ATP5MC2: variants seen among roughly 807,000 people sequenced by gnomAD.
ATP5MC2 encodes ATP synthase membrane subunit c locus 2, also known as ATP synthase F(0) complex subunit C2, mitochondrial.
In ATP5MC2, 11 loss-of-function variants were observed where a neutral mutation model predicts 13.5. The observed-to-expected ratio is 0.81, with a 90% CI of 0.51 to 1.35. ATP5MC2 has a LOEUF of 1.35. ATP5MC2 is among the 40% of genes most tolerant of loss of function. The pLI, the probability that ATP5MC2 is intolerant of heterozygous loss-of-function variation, is 0.00. For missense variants in ATP5MC2, 132 were observed against 175.0 expected (o/e 0.75, Z 1.39); for synonymous variants, 64 against 69.7 (o/e 0.92, Z 0.41).
rs772110168 is a variant in ATP5MC2, at chr12:53,667,956, C to CATATATATATATATATATAT, written c.311+1172_311+1191dup. Among the ~76,000 whole-genome samples the CATATATATATATATATATAT allele has an allele frequency of 1.7e-3, 115 of 67,244 alleles. 7 individuals are homozygous for CATATATATATATATATATAT. The highest frequency in any genetic ancestry group is 0.011 in the Middle Eastern group (1 of 88). The allele number at this position is 67,244 out of a possible 152,430, so 44.1% of individuals were successfully genotyped here. A position where few individuals can be genotyped will look rare whatever the true frequency, so the allele number is the denominator to read the frequency against. On this transcript the variant is annotated intron_variant, in intron 4 of 4. Transcript: ENST00000394349. ...TCTAATACATACATACATACACACA[C>CATATATATATATATATATAT]ATATATATATATATATATATATATA... is the stretch of plus-strand genomic sequence containing the variant.
intron 1 of ATP5MC2, chr12:53,673,637 C>T (rs1050583317): frequency 6.5e-6 from 1 of 154,512 alleles, no homozygotes; most frequent in African/African-American, 2.4e-5. Flanking sequence ...GGCTGACCAA[C>T]ATGGAGAAAC....
At chr12:53,676,086 G>A, upstream of ATP5MC2, 4 of 1,614,274 alleles carry the variant, frequency 2.5e-6, no homozygotes, top group Non-Finnish European at 2.5e-6. Flanking sequence ...GAGAGGGGCG[G>A]AGCAGCGGGA....
chr12:53,680,713 A>G (rs1166693037), upstream of ATP5MC2, among the ~76,000 whole-genome samples: 1 of 152,154 alleles, frequency 6.6e-6, no homozygotes, highest in African/African-American at 2.4e-5. Flanking sequence ...GAAATATTTG[A>G]TTCATATAAA....
At position 53,676,074 on chromosome 12, in the gene ATP5MC2, CAGAG is replaced by C; in HGVS notation, c.-57_-54del. ...TTACCTGCTCCCACTGCAGAGAAGA[CAGAG>C]AGGGGCGGAGCAGCGGGAAGAGCGA... On this transcript the variant is annotated 5_prime_UTR_variant, in exon 1 of 5. Coordinates refer to ENST00000394349, the MANE Select transcript of ATP5MC2 (RefSeq NM_005176.7). 1.2e-6 allele frequency: 2 copies of C among 1,614,180 alleles called. No homozygotes were observed. Among genetic ancestry groups the C allele is most frequent in the Non-Finnish European group, 1.7e-6 (2 of 1,180,024 alleles).
At chr12:53,676,778 TGCCCGA>T (rs1395733658), upstream of ATP5MC2, 1 of 153,276 alleles carries the variant, frequency 6.5e-6, no homozygotes, top group African/African-American at 2.4e-5. Context: ...ACTCCAGGCT[TGCCCGA>T]GCCTCTGCTC....
upstream of ATP5MC2, chr12:53,677,086 T>TA (rs1256963891): frequency 9.2e-5 from 14 of 151,988 alleles, no homozygotes; most frequent in East Asian, 2.7e-3. Flanking sequence ...CCATAAAAAA[T>TA]AAAAAATAAA....
chr12:53,676,283 G>A, upstream of ATP5MC2: 2 of 1,410,530 alleles, frequency 1.4e-6, no homozygotes, highest in Non-Finnish European at 1.9e-6. Flanking sequence ...GCCGACTGCA[G>A]AAATGAGGCC....
upstream of ATP5MC2, chr12:53,676,693 G>C: frequency 6.0e-6 from 1 of 166,034 alleles, no homozygotes; most frequent in Admixed American, 5.7e-5. Flanking sequence ...AATATGATCC[G>C]AATCCCTCTT....
chr12:53,676,326 A>ACTGCGGTTTGGTCTGTACCGCGTT (rs931170457), upstream of ATP5MC2: 20 of 1,387,208 alleles, frequency 1.4e-5, no homozygotes, highest in Middle Eastern at 2.0e-4. Context: ...CGTAACGTGG[A>ACTGCGGTTTGGTCTGTACCGCGTT]CTGCGGTTTG....
intron 3 of ATP5MC2, among the ~76,000 whole-genome samples, 158 bp from the exon 4 acceptor site, chr12:53,669,499 T>C (rs557980518): frequency 1.3e-5 from 2 of 152,314 alleles, no homozygotes; most frequent in Admixed American, 1.3e-4. Context: ...TAACGTAGGA[T>C]GTAGACTTCA....
chr12:53,677,375 CCCGAGCGACGCCAT>C (rs1945304404), upstream of ATP5MC2: 1 of 152,262 alleles, frequency 6.6e-6, no homozygotes, highest in Non-Finnish European at 1.5e-5. Context: ...TTCCCGGGAC[CCCGAGCGACGCCAT>C]TACAGGAATG....
chr12:53,672,101 A>AAAAAATAAAATAAAATAAAATAAAAT (rs1565627700), intron 2 of ATP5MC2, among the ~76,000 whole-genome samples: 7 of 150,464 alleles, frequency 4.7e-5, no homozygotes, highest in African/African-American at 1.7e-4. Flanking sequence ...AAAAAAAAAA[A>AAAAAATAAAATAAAATAAAATAAAAT]AAAATTAACT....
At chr12:53,678,451 G>C (rs903990915), upstream of ATP5MC2, among the ~76,000 whole-genome samples, 4 of 152,110 alleles carry the variant, frequency 2.6e-5, no homozygotes, top group African/African-American at 7.2e-5. Context: ...TATATGGACT[G>C]TTTATTGCAA....
rs201046914 is a variant in ATP5MC2 at position 53,668,952 on chromosome 12, AG to A, written c.311+195del. Among the ~76,000 whole-genome samples, 198 of 152,260 alleles carry A rather than the reference AG, an allele frequency of 1.3e-3. 2 individuals are homozygous for A. In the East Asian group the frequency reaches 0.028, roughly 22 times the overall value. On this transcript the variant is annotated intron_variant, in intron 4 of 4. Transcript: ENST00000394349. The stretch of plus-strand genomic sequence containing the variant: ...AAGAATCGCTTGAACCCAGAGGTAG[AG>A]GTGACAGTGAGCTGAGATTGCGCCA...
At chr12:53,671,123 CT>C (rs1945084239) in intron 2 of ATP5MC2, among the ~76,000 whole-genome samples, 1 of 152,272 alleles carries the variant, frequency 6.6e-6, no homozygotes, top group Middle Eastern at 3.4e-3. Context: ...TTCTGGTAGC[CT>C]TTTCTGACTA....
chr12:53,667,660 C>T (rs905568350), intron 4 of ATP5MC2, among the ~76,000 whole-genome samples: 9 of 151,990 alleles, frequency 5.9e-5, no homozygotes, highest in Admixed American at 1.3e-4. Context: ...CCATGCCTGG[C>T]TAATTTCTGT....
chr12:53,678,550 A>G (rs577707053), upstream of ATP5MC2, among the ~76,000 whole-genome samples: 3 of 152,222 alleles, frequency 2.0e-5, no homozygotes, highest in South Asian at 2.1e-4. Context: ...AAGTTATTTT[A>G]CTTGCTGGTG....
chr12:53,665,534 C>G (rs572102704), intron 4 of ATP5MC2, 106 bp from the exon 5 acceptor site: 2 of 960,192 alleles, frequency 2.1e-6, no homozygotes, highest in Non-Finnish European at 3.2e-6. Flanking sequence ...GATTATCTCA[C>G]ATAATAAAGA....
At chr12:53,670,796 T>C (rs1945075000) in intron 2 of ATP5MC2, among the ~76,000 whole-genome samples, 1 of 151,880 alleles carries the variant, frequency 6.6e-6, no homozygotes, top group African/African-American at 2.4e-5. Flanking sequence ...CTAATTTTTG[T>C]ATTTTTAGTA....
Sources: gnomAD v4.1 joint callset for allele counts (sites outside exome capture counted in the v4.1 genomes callset) on GRCh38, gnomAD v4.1.1 for gene constraint, MANE v1.5 for transcripts, NCBI Gene and HGNC (gene_info 2026-07-23, HGNC 2026-07-21) for gene names.